The following OSR1 variants were observed in gnomAD, a reference collection of about 807,000 sequenced individuals.
The protein encoded by OSR1 is odd-skipped related transcription factor 1, also known as protein odd-skipped-related 1.
Under a neutral mutation model 15.7 loss-of-function variants are expected in OSR1, and 3 were observed. That is an observed-to-expected ratio of 0.19 (90% CI 0.09 to 0.50). The LOEUF (loss-of-function observed/expected upper bound fraction) is 0.50, where lower values mean the gene tolerates loss of function less well. OSR1 is among the 20% of genes least tolerant of loss of function. OSR1 has a pLI of 0.97. For missense variants in OSR1, 271 were observed against 351.1 expected, an observed-to-expected ratio of 0.77 and a Z score of 1.82; for synonymous variants, 166 against 152.7, an observed-to-expected ratio of 1.09 and a Z score of -0.64.
At chr2:19,344,959 G>A in the OSR1 span, among the ~76,000 whole-genome samples, 1 of 151,378 alleles carries the variant, frequency 6.6e-6, no homozygotes, top group Non-Finnish European at 1.5e-5. Context: ...AAAGTGAGAT[G>A]GTAGAAGATA....
In OSR1 at chr2:19,352,258, T is replaced by C; in HGVS notation, c.*17A>G. 6.2e-7 allele frequency: 1 copy of C among 1,613,794 alleles called. No homozygotes were observed. Among genetic ancestry groups the C allele is most frequent in the Non-Finnish European group, 8.5e-7 (1 of 1,179,744 alleles). ...AGGGCCGCTGGGCCTAGGGTCCTTG[T>C]GACCCACAGGTTCTATTTAGCATTT... On this transcript the variant is annotated 3_prime_UTR_variant, in exon 3 of 3. Transcript: ENST00000272223.
At chr2:19,354,116 T>C (rs1187754170) in intron 1 of OSR1, 6 of 331,206 alleles carry the variant, frequency 1.8e-5, no homozygotes, top group Non-Finnish European at 3.3e-5. Flanking sequence ...GGGCCTACTG[T>C]ATGCAAGACA....
At position 19,353,464 on chromosome 2, in the gene OSR1, C is replaced by T. The variant is rs1312977997; in HGVS notation, c.342G>A (p.Lys114=). The part of the protein sequence containing the change: ...AGGSVPALKT[K]PRFDFANLAL... ...CCAGGTTGGCAAAATCAAAGCGCGG[C>T]TTGGTCTTGAGCGCTGGAACGCTGC... The change falls in exon 2 of 3, where the codon AAG becomes AAA. Residue 114 remains lysine, a synonymous_variant. Coordinates refer to ENST00000272223, the MANE Select transcript of OSR1 (RefSeq NM_145260.3). 6.2e-7 allele frequency: 1 copy of T among 1,613,942 alleles called. No homozygotes were observed. Among genetic ancestry groups the T allele is most frequent in the African/African-American group, 1.3e-5 (1 of 74,962 alleles).
intron 1 of OSR1, 29 bp downstream of exon 1, chr2:19,358,312 T>G (rs1311971267): frequency 6.6e-6 from 1 of 152,422 alleles, no homozygotes; most frequent in Non-Finnish European, 1.5e-5. Context: ...TTCGCTTTGC[T>G]GAGCCCAGGC....
chr2:19,347,983 C>T (rs1357138387), downstream of OSR1, among the ~76,000 whole-genome samples: 1 of 152,268 alleles, frequency 6.6e-6, no homozygotes, highest in Non-Finnish European at 1.5e-5. Flanking sequence ...ACGATTTCCA[C>T]GCACCGCCGT....
At chr2:19,351,169 G>A (rs1664831291), downstream of OSR1, among the ~76,000 whole-genome samples, 1 of 152,118 alleles carries the variant, frequency 6.6e-6, no homozygotes, top group Non-Finnish European at 1.5e-5. Flanking sequence ...AGAGACTCTG[G>A]GATTTCTCAC....
In OSR1 at chr2:19,351,921, T is replaced by G. The variant is rs113382792; in HGVS notation, c.*354A>C. 1 of 184,282 alleles carries G rather than the reference T, an allele frequency of 5.4e-6. No homozygotes were observed. The highest frequency in any genetic ancestry group is 5.8e-5 in the Admixed American group (1 of 17,150). The allele number at this position is 184,282 out of a possible 1,614,324, so 11.4% of individuals were successfully genotyped here. A position where few individuals can be genotyped will look rare whatever the true frequency, so the allele number is the denominator to read the frequency against. ...AAGCTTATATGGTCAAAGACAAAAA[T>G]AAAAAAGAAAACGTATAAAATAACA... On this transcript the variant is annotated 3_prime_UTR_variant, in exon 3 of 3. Transcript: ENST00000272223.
In OSR1 at chr2:19,353,350, G is replaced by A. The variant is rs112207035; in HGVS notation, c.456C>T (p.Asp152=). 13 of 1,614,106 alleles carry A rather than the reference G, an allele frequency of 8.1e-6. No individual in the cohort carries two copies. In the African/African-American group the frequency reaches 9.3e-5, roughly 12 times the overall value. ...SPAGGLGALL[D]VTKLSPEKKP... is the part of the protein sequence containing the mutation. ...TCTTTTCTGGAGACAGCTTGGTCAC[G>A]TCGAGGAGGGCACCCAGCCCACCTG... The change falls in exon 2 of 3, where the codon GAC becomes GAT. Residue 152 remains aspartate (D), a synonymous_variant. Coordinates refer to ENST00000272223, the MANE Select transcript of OSR1 (RefSeq NM_145260.3).
Position 19,352,201 on chromosome 2 carries a change from C to A in OSR1, c.*74G>T. ...GAGCGAGCGCCTCTCCCGCTGCCCG[C>A]CAGAGTCAGGCTTCTGGTCCCTATG... On this transcript the variant is annotated 3_prime_UTR_variant, in exon 3 of 3. Coordinates refer to ENST00000272223, the MANE Select transcript of OSR1 (RefSeq NM_145260.3). 6.5e-7 allele frequency: 1 copy of A among 1,527,198 alleles called. No homozygotes were observed. Among genetic ancestry groups the A allele is most frequent in the Non-Finnish European group, 8.9e-7 (1 of 1,121,624 alleles). 94.6% of individuals were successfully genotyped at this position (1,527,198 alleles called of 1,614,324 possible). A position where few individuals can be genotyped will look rare whatever the true frequency, so the allele number is the denominator to read the frequency against.
downstream of OSR1, among the ~76,000 whole-genome samples, chr2:19,348,969 C>T (rs906648999): frequency 6.6e-6 from 1 of 152,240 alleles, no homozygotes; most frequent in African/African-American, 2.4e-5. Context: ...CTCCACCTGG[C>T]CAGCACCATC....
chr2:19,353,522 A>T lies in OSR1; in HGVS notation c.284T>A (p.Val95Asp). The T allele has an allele frequency of 6.2e-7, 1 of 1,614,194 alleles. No individual in the cohort carries two copies. The highest frequency in any genetic ancestry group is 1.7e-5 in the Admixed American group (1 of 60,028). The change falls in exon 2 of 3, where the codon GTC becomes GAC. Residue 95 changes from valine (V) to aspartate (D), a missense_variant. By Grantham distance (152) the Val-to-Asp change is radical. This residue lies in a region of OSR1 where 210 missense variants were observed against 218.4 expected (regional missense o/e 0.96). Coordinates refer to ENST00000272223, the MANE Select transcript of OSR1 (RefSeq NM_145260.3). Reference sequence around the variant, plus strand: ...GGTGATCTCGGGCTTGGGTTGAATGACATGAGGGAACCAGGGAAAGGCGGG... The same window carrying T: ...GGTGATCTCGGGCTTGGGTTGAATGTCATGAGGGAACCAGGGAAAGGCGGG... ...QLPAFPWFPH[V>D]IQPKPEITAG...
intron 1 of OSR1, chr2:19,354,056 G>A (rs45515491): frequency 2.0e-6 from 1 of 504,432 alleles, no homozygotes; most frequent in Non-Finnish European, 3.5e-6. Context: ...TTGGTCTAAG[G>A]GCTCCCTCCA....
chr2:19,356,334 A>G (rs1196705342), intron 1 of OSR1: 2 of 152,168 alleles, frequency 1.3e-5, no homozygotes, highest in Non-Finnish European at 1.5e-5. Context: ...TGTTTTCCCC[A>G]ACACTACATT....
downstream of OSR1, among the ~76,000 whole-genome samples, chr2:19,348,809 C>A (rs958879634): frequency 2.0e-5 from 3 of 152,202 alleles, no homozygotes; most frequent in Non-Finnish European, 2.9e-5. Flanking sequence ...GATATCTTAC[C>A]GGAGACAGCA....
intron 1 of OSR1, chr2:19,355,949 G>C (rs1306564789): frequency 2.0e-5 from 3 of 152,288 alleles, no homozygotes; most frequent in Non-Finnish European, 4.4e-5. Flanking sequence ...GGTCGGCCTG[G>C]ACTTAGGAGG....
chr2:19,346,351 A>T, the OSR1 span, among the ~76,000 whole-genome samples: 1 of 152,216 alleles, frequency 6.6e-6, no homozygotes, highest in Middle Eastern at 3.2e-3. Flanking sequence ...GACCAAAAAA[A>T]ATGGCAGCAA....
In OSR1 at chr2:19,353,265, C is replaced by T; in HGVS notation, c.541G>A (p.Gly181Ser). The T allele has an allele frequency of 6.2e-7, 1 of 1,614,232 alleles. No homozygotes were observed. The highest frequency in any genetic ancestry group is 8.5e-7 in the Non-Finnish European group (1 of 1,180,042). The change falls in exon 2 of 3, where the codon GGC becomes AGC. Residue 181 changes from glycine to serine, a missense_variant. Around this residue, in one of 4 missense-constraint regions of OSR1, gnomAD observed 32 missense variants for 66.8 expected, o/e 0.48. Coordinates refer to ENST00000272223, the MANE Select transcript of OSR1 (RefSeq NM_145260.3). Reference sequence around the variant, plus strand: ...TTGTAGGACTTGGTGAAGTGGCGGCCACAGAACTTGCAGACGAATTCCTTC... The same window carrying T: ...TTGTAGGACTTGGTGAAGTGGCGGCTACAGAACTTGCAGACGAATTCCTTC... ...TKKEFVCKFC[G>S]RHFTKSYNLL...
chr2:19,353,857 G>A lies in OSR1; in HGVS notation c.-32-20C>T, dbSNP rs1664894926. 2 of 1,541,760 alleles carry A rather than the reference G, an allele frequency of 1.3e-6. No individual in the cohort carries two copies. Among genetic ancestry groups the A allele is most frequent in the African/African-American group, 1.4e-5 (1 of 73,908 alleles). ...CCGGATCTGCAAAGAAAAGAAGAAG[G>A]CAGGGGCGTGGAGAGGAATAAAGAA... On this transcript the variant is annotated intron_variant, in intron 1 of 2. Transcript: ENST00000272223.
chr2:19,346,425 G>A, the OSR1 span, among the ~76,000 whole-genome samples: 4 of 152,204 alleles, frequency 2.6e-5, no homozygotes, highest in African/African-American at 9.6e-5. Context: ...AAAGAACATT[G>A]TGTGGCCACT....
Sources: gnomAD v4.1 joint callset for allele counts (sites outside exome capture counted in the v4.1 genomes callset) on GRCh38, gnomAD v4.1.1 for gene constraint, gnomAD v4.1.1 regional missense constraint, MANE v1.5 for transcripts, NCBI Gene and HGNC (gene_info 2026-07-23, HGNC 2026-07-21) for gene names.